Variants in CALN1 observed in about 807,000 individuals in gnomAD.
The protein encoded by CALN1 is calcium-binding protein 8.
CALN1 carries 17 observed loss-of-function variants against 30.6 expected under a neutral mutation model. The ratio of observed to expected loss-of-function variants is 0.56; its 90% CI spans 0.38 to 0.83. The LOEUF (loss-of-function observed/expected upper bound fraction) is 0.83. Ranked by LOEUF, CALN1 falls within the 40% of genes least tolerant of loss-of-function variation. CALN1 has a pLI of 0.00. For missense variants in CALN1, 291 were observed against 354.9 expected (o/e 0.82, Z 1.45); for synonymous variants, 156 against 131.4 (o/e 1.19, Z -1.28).
intron 3 of CALN1, among the ~76,000 whole-genome samples, chr7:72,255,589 T>G (rs1281083737): frequency 2.0e-5 from 3 of 151,438 alleles, no homozygotes; most frequent in Non-Finnish European, 4.4e-5. Context: ...AGTATTTTTA[T>G]ATTTTTAGTA....
intron 5 of CALN1, among the ~76,000 whole-genome samples, chr7:71,830,698 G>A (rs1166820344): frequency 1.3e-5 from 2 of 152,136 alleles, no homozygotes; most frequent in African/African-American, 4.8e-5. Context: ...CTCGAACTTG[G>A]TTCTTACTCA....
chr7:71,832,115 G>C (rs949897270), intron 5 of CALN1, among the ~76,000 whole-genome samples: 1 of 152,038 alleles, frequency 6.6e-6, no homozygotes, highest in Non-Finnish European at 1.5e-5. Flanking sequence ...TGAAATTTAA[G>C]TTCCTCGTGG....
intron 3 of CALN1, among the ~76,000 whole-genome samples, chr7:72,249,780 T>A (rs1225094204): frequency 1.3e-5 from 2 of 151,842 alleles, no homozygotes; most frequent in Non-Finnish European, 1.5e-5. Flanking sequence ...CTACAAAAAA[T>A]ACAAAAATTA....
At chr7:72,039,300 T>C (rs544364822) in intron 4 of CALN1, among the ~76,000 whole-genome samples, 3 of 152,298 alleles carry the variant, frequency 2.0e-5, no homozygotes, top group African/African-American at 7.2e-5. Context: ...GGAGCAGCTA[T>C]GTAGGTGGCG....
chr7:71,967,443 C>T (rs1225789727), intron 5 of CALN1, among the ~76,000 whole-genome samples: 3 of 151,738 alleles, frequency 2.0e-5, no homozygotes, highest in African/African-American at 7.3e-5. Flanking sequence ...GCCTGGGAAA[C>T]ATAGCAAGAC....
At chr7:71,880,562 A>T (rs531757802) in intron 5 of CALN1, among the ~76,000 whole-genome samples, 1 of 151,902 alleles carries the variant, frequency 6.6e-6, no homozygotes, top group African/African-American at 2.4e-5. Context: ...CTTTGCATTT[A>T]TTTCTTTAAT....
chr7:72,404,963 C>G (rs1366404226), intron 1 of CALN1, among the ~76,000 whole-genome samples: 1 of 152,180 alleles, frequency 6.6e-6, no homozygotes, highest in African/African-American at 2.4e-5. Context: ...CATAAACCAA[C>G]TAGATGCTTT....
intron 4 of CALN1, among the ~76,000 whole-genome samples, chr7:72,071,055 G>C (rs1804357362): frequency 6.6e-6 from 1 of 152,278 alleles, no homozygotes; most frequent in East Asian, 1.9e-4. Flanking sequence ...GAAATTCCAG[G>C]CTATTGAAGG....
intron 2 of CALN1, among the ~76,000 whole-genome samples, chr7:72,295,709 A>G (rs1798806678): frequency 6.7e-6 from 1 of 150,104 alleles, no homozygotes; most frequent in South Asian, 2.2e-4. Flanking sequence ...TTGTACATTG[A>G]TTTTGTATCC....
intron 5 of CALN1, among the ~76,000 whole-genome samples, chr7:71,917,104 A>G (rs1794720435): frequency 6.6e-6 from 1 of 152,190 alleles, no homozygotes; most frequent in Non-Finnish European, 1.5e-5. Context: ...TGCTTTTCTG[A>G]GATGTGGAAA....
chr7:72,299,302 AT>A (rs1450008986), intron 2 of CALN1, among the ~76,000 whole-genome samples: 14 of 152,250 alleles, frequency 9.2e-5, no homozygotes, highest in Non-Finnish European at 1.6e-4. Flanking sequence ...GAAGCCCATT[AT>A]GTCCACTATT....
intron 3 of CALN1, among the ~76,000 whole-genome samples, chr7:72,270,182 C>A (rs889466204): frequency 1.3e-5 from 2 of 151,912 alleles, no homozygotes; most frequent in African/African-American, 4.8e-5. Flanking sequence ...GTAAGCCAGG[C>A]ACAATGGATC....
the CALN1 span, among the ~76,000 whole-genome samples, chr7:72,454,647 G>A: frequency 2.1e-3 from 327 of 152,218 alleles, 1 homozygote; most frequent in African/African-American, 7.2e-3. Flanking sequence ...GCAAAAATGT[G>A]GGGAGAGGAA....
chr7:72,008,126 A>G (rs1179293073), intron 5 of CALN1, among the ~76,000 whole-genome samples: 4 of 152,216 alleles, frequency 2.6e-5, no homozygotes, highest in Admixed American at 6.5e-5. Context: ...AATCTATTCA[A>G]TTACCATATT....
At chr7:72,250,987 T>C (rs1200219324) in intron 3 of CALN1, among the ~76,000 whole-genome samples, 1 of 152,166 alleles carries the variant, frequency 6.6e-6, no homozygotes, top group Non-Finnish European at 1.5e-5. Flanking sequence ...GGGCAGGGTC[T>C]CTCTGGTCAC....
At chr7:72,084,276 C>G (rs938289721) in intron 4 of CALN1, among the ~76,000 whole-genome samples, 1 of 152,082 alleles carries the variant, frequency 6.6e-6, no homozygotes, top group African/African-American at 2.4e-5. Context: ...ACAGGGGAAA[C>G]CAAACCTCAA....
chr7:72,175,821 A>G (rs947891071), intron 3 of CALN1, among the ~76,000 whole-genome samples: 4 of 152,200 alleles, frequency 2.6e-5, no homozygotes, highest in Admixed American at 6.5e-5. Flanking sequence ...AATCACAAAT[A>G]AAACAGCTCA....
At chr7:72,368,209 A>C (rs1418487648) in intron 2 of CALN1, among the ~76,000 whole-genome samples, 1 of 151,150 alleles carries the variant, frequency 6.6e-6, no homozygotes, top group Non-Finnish European at 1.5e-5. Context: ...GTGTGTGTAT[A>C]TATATCTATG....
chr7:72,333,730 C>A (rs1223113540), intron 2 of CALN1, among the ~76,000 whole-genome samples: 1 of 151,552 alleles, frequency 6.6e-6, no homozygotes, highest in African/African-American at 2.4e-5. Context: ...ATCATCAAAC[C>A]AGTCTGGGCT....
Sources: gnomAD v4.1 joint callset for allele counts (sites outside exome capture counted in the v4.1 genomes callset) on GRCh38, gnomAD v4.1.1 for gene constraint, MANE v1.5 for transcripts, NCBI Gene and HGNC (gene_info 2026-07-23, HGNC 2026-07-21) for gene names.